GRID1: variants seen among roughly 807,000 people sequenced by gnomAD.
GRID1 encodes the protein glutamate receptor ionotropic, delta-1.
GRID1 carries 28 observed loss-of-function variants against 98.0 expected under a neutral mutation model. The observed-to-expected ratio is 0.29, with a 90% CI of 0.21 to 0.39. The LOEUF (loss-of-function observed/expected upper bound fraction) is 0.39. Ranked by LOEUF, GRID1 falls within the 10% of genes least tolerant of loss-of-function variation. GRID1 has a pLI of 1.00. For synonymous variants in GRID1, 553 were observed against 538.5 expected, an observed-to-expected ratio of 1.03 and a Z score of -0.37; for missense variants, 1,111 against 1,340.5, an observed-to-expected ratio of 0.83 and a Z score of 2.67.
intron 4 of GRID1, among the ~76,000 whole-genome samples, chr10:86,084,227 G>A (rs1022826153): frequency 6.6e-6 from 1 of 152,036 alleles, no homozygotes; most frequent in South Asian, 2.1e-4. Context: ...GAGCACCACC[G>A]AAGACTTCCT....
At chr10:86,110,120 G>T (rs751832824) in intron 4 of GRID1, among the ~76,000 whole-genome samples, 1 of 151,898 alleles carries the variant, frequency 6.6e-6, no homozygotes, top group Non-Finnish European at 1.5e-5. Flanking sequence ...TTACAGGCAC[G>T]TGCCACCACG....
chr10:85,928,699 A>G (rs1216967279), intron 4 of GRID1, among the ~76,000 whole-genome samples: 1 of 152,216 alleles, frequency 6.6e-6, no homozygotes, highest in Non-Finnish European at 1.5e-5. Flanking sequence ...ATACACACAA[A>G]CATACACCTA....
intron 12 of GRID1, among the ~76,000 whole-genome samples, chr10:85,682,050 A>C (rs1056610035): frequency 2.6e-5 from 4 of 152,134 alleles, no homozygotes; most frequent in Non-Finnish European, 5.9e-5. Flanking sequence ...CTGGATAATA[A>C]GAACAAGAAA....
Position 86,251,350 on chromosome 10 carries a change from T to TA in GRID1, c.236-44703dup, listed in dbSNP as rs61715346. 1.4e-3 allele frequency among the ~76,000 whole-genome samples: 193 copies of TA among 142,850 alleles called. 2 individuals are homozygous for TA. The highest frequency in any genetic ancestry group is 9.0e-3 in the East Asian group (32 of 3,564). 93.7% of individuals were successfully genotyped at this position (142,850 alleles called of 152,430 possible). A position where few individuals can be genotyped will look rare whatever the true frequency, so the allele number is the denominator to read the frequency against. On this transcript the variant is annotated intron_variant, in intron 2 of 15. Coordinates refer to ENST00000327946, the MANE Select transcript of GRID1 (RefSeq NM_017551.3). ...ACACCCAAGAATGATCAATAAATAC[T>TA]AAAAAAAAAAAAAAAAAAAAAAAAA...
rs1386001575 is a variant in GRID1 at position 85,792,655 on chromosome 10, A to G, written c.1233+61841T>C. ...GTGACTGCTGCAGCTCTGTCCAAGC[A>G]CCCAGATCCATGGGGCAGGTTCAAA... On this transcript the variant is annotated intron_variant, in intron 8 of 15. Transcript: ENST00000327946. Among the ~76,000 whole-genome samples, 6 of 152,242 alleles carry G rather than the reference A, an allele frequency of 3.9e-5. No individual in the cohort carries two copies. In the South Asian group the frequency reaches 1.2e-3, roughly 32 times the overall value.
intron 8 of GRID1, among the ~76,000 whole-genome samples, chr10:85,796,792 G>A (rs575952149): frequency 2.6e-5 from 4 of 151,922 alleles, no homozygotes; most frequent in African/African-American, 9.7e-5. Flanking sequence ...AGACAATGGA[G>A]TAAGGTATTT....
At chr10:86,001,505 T>C (rs1028427936) in intron 4 of GRID1, among the ~76,000 whole-genome samples, 1 of 152,202 alleles carries the variant, frequency 6.6e-6, no homozygotes, top group Non-Finnish European at 1.5e-5. Context: ...GTTTAGCCAC[T>C]TTCCCTGAGC....
intron 8 of GRID1, among the ~76,000 whole-genome samples, chr10:85,828,178 C>A (rs58436000): frequency 6.6e-6 from 1 of 152,006 alleles, no homozygotes; most frequent in Non-Finnish European, 1.5e-5. Flanking sequence ...AACCTGCTCC[C>A]GAATGCCATT....
chr10:85,852,616 G>A lies in GRID1; in HGVS notation c.1233+1880C>T, dbSNP rs550353906. Reference sequence around the variant, plus strand: ...ATGAAGGCAAGTGCGCCAGGACCGTGGTCGATGTGAACAGTTATTTTGGCA... The same window carrying A: ...ATGAAGGCAAGTGCGCCAGGACCGTAGTCGATGTGAACAGTTATTTTGGCA... On this transcript the variant is annotated intron_variant, in intron 8 of 15. Coordinates refer to ENST00000327946, the MANE Select transcript of GRID1 (RefSeq NM_017551.3). 3.3e-5 allele frequency among the ~76,000 whole-genome samples: 5 copies of A among 152,348 alleles called. No individual in the cohort carries two copies. The East Asian group carries it at 7.7e-4, about 24-fold the overall frequency.
chr10:85,915,487 A>T (rs1181209617), intron 5 of GRID1, among the ~76,000 whole-genome samples: 1 of 151,808 alleles, frequency 6.6e-6, no homozygotes, highest in East Asian at 1.9e-4. Context: ...ACACATATTC[A>T]CACATACATT....
chr10:85,910,787 A>G (rs1406323382), intron 5 of GRID1, among the ~76,000 whole-genome samples: 4 of 152,248 alleles, frequency 2.6e-5, no homozygotes, highest in African/African-American at 9.6e-5. Flanking sequence ...GGAATCAGGC[A>G]TGTGCATCAA....
At chr10:86,347,037 C>A (rs1014148847) in intron 2 of GRID1, among the ~76,000 whole-genome samples, 1 of 152,096 alleles carries the variant, frequency 6.6e-6, no homozygotes, top group Non-Finnish European at 1.5e-5. Flanking sequence ...TGTCCCTTAC[C>A]CCAGAAAGCC....
intron 2 of GRID1, among the ~76,000 whole-genome samples, chr10:86,323,502 C>T (rs1035239809): frequency 3.3e-5 from 5 of 152,204 alleles, no homozygotes; most frequent in African/African-American, 4.8e-5. Flanking sequence ...AGGAAGGAAA[C>T]AGGCATTTTC....
chr10:85,966,960 T>A (rs944883726), intron 4 of GRID1, among the ~76,000 whole-genome samples: 1 of 152,212 alleles, frequency 6.6e-6, no homozygotes, highest in African/African-American at 2.4e-5. Context: ...CCCCATGCCT[T>A]AAGGGCAGGG....
intron 12 of GRID1, among the ~76,000 whole-genome samples, chr10:85,711,246 T>G (rs1004755265): frequency 6.6e-6 from 1 of 151,978 alleles, no homozygotes; most frequent in African/African-American, 2.4e-5. Context: ...GATAGATGAA[T>G]GGATAAATAA....
chr10:86,199,591 G>A (rs1034963929), intron 3 of GRID1, among the ~76,000 whole-genome samples: 4 of 152,102 alleles, frequency 2.6e-5, no homozygotes, highest in African/African-American at 9.7e-5. Context: ...AACCCACCAT[G>A]TGGGGTTGCC....
chr10:86,289,825 T>C (rs945407436), intron 2 of GRID1, among the ~76,000 whole-genome samples: 2 of 152,156 alleles, frequency 1.3e-5, no homozygotes, highest in East Asian at 3.9e-4. Context: ...ACTATATCCT[T>C]AAAGCCTTTG....
At chr10:85,774,590 A>G (rs927887340) in intron 8 of GRID1, among the ~76,000 whole-genome samples, 2 of 152,204 alleles carry the variant, frequency 1.3e-5, no homozygotes, top group Admixed American at 6.5e-5. Context: ...ACAAAGGGCT[A>G]ATATCCAGAA....
At chr10:86,340,420 G>A (rs751307417) in intron 2 of GRID1, among the ~76,000 whole-genome samples, 6 of 152,196 alleles carry the variant, frequency 3.9e-5, no homozygotes, top group African/African-American at 7.2e-5. Context: ...GCAGAGCACC[G>A]TCATGACCTG....
Sources: gnomAD v4.1 joint callset for allele counts (sites outside exome capture counted in the v4.1 genomes callset) on GRCh38, gnomAD v4.1.1 for gene constraint, MANE v1.5 for transcripts, NCBI Gene and HGNC (gene_info 2026-07-23, HGNC 2026-07-21) for gene names.